CSTA: variants seen among roughly 807,000 people sequenced by gnomAD.
CSTA encodes the protein cystatin-A.
Under a neutral mutation model 9.2 loss-of-function variants are expected in CSTA, and 9 were observed. That is an observed-to-expected ratio of 0.97 (90% CI 0.59 to 1.70). The LOEUF (loss-of-function observed/expected upper bound fraction) is 1.70. CSTA is among the 40% of genes most tolerant of loss of function. The probability of loss-of-function intolerance (pLI) is 0.00; values close to 1 mark genes in which losing one functional copy is unlikely to be tolerated. For missense variants in CSTA, 118 were observed against 113.1 expected (o/e 1.04, Z -0.20); for synonymous variants, 36 against 40.6 (o/e 0.89, Z 0.43).
At position 122,337,585 on chromosome 3, in the gene CSTA, C is replaced by G; in HGVS notation, c.105C>G (p.Tyr35Ter). The change falls in exon 2 of 3, where the codon TAC becomes TAG. Residue 35 changes from tyrosine to a stop codon, truncating the protein, a stop_gained. Coordinates refer to ENST00000264474, the MANE Select transcript of CSTA (RefSeq NM_005213.4). LOFTEE classifies it high-confidence loss of function. ...TTGAAGAAAAAACAAATGAGACTTA[C>G]GGAAAATTGGAAGCTGTGCAGTATA... is the stretch of plus-strand genomic sequence containing the variant. ...PQLEEKTNET[Y>*]GKLEAVQYKT... The G allele has an allele frequency of 6.2e-7, 1 of 1,612,500 alleles. No individual in the cohort carries two copies. The highest frequency in any genetic ancestry group is 8.5e-7 in the Non-Finnish European group (1 of 1,178,802).
At chr3:122,334,965 A>C (rs2075228091) in intron 1 of CSTA, among the ~76,000 whole-genome samples, 1 of 152,224 alleles carries the variant, frequency 6.6e-6, no homozygotes, top group African/African-American at 2.4e-5. Flanking sequence ...TATGAAGGAC[A>C]GTGAGACCTC....
chr3:122,333,708 AAAAGAAAGAAAGAG>A (rs1386855739), intron 1 of CSTA, among the ~76,000 whole-genome samples: 2 of 135,956 alleles, frequency 1.5e-5, no homozygotes, highest in African/African-American at 2.7e-5. Context: ...GAAAGAAAGA[AAAAGAAAGAAAGAG>A]AAAGAAAGAA....
chr3:122,327,346 A>G (rs1251366389), intron 1 of CSTA, among the ~76,000 whole-genome samples: 2 of 151,548 alleles, frequency 1.3e-5, no homozygotes, highest in African/African-American at 2.4e-5. Flanking sequence ...TGGCTAACAC[A>G]GTGAAACCCC....
Position 122,337,924 on chromosome 3 carries a change from T to C in CSTA, c.168+276T>C, listed in dbSNP as rs1449787211. The C allele has an allele frequency of 7.5e-6, 3 of 401,530 alleles. No individual in the cohort carries two copies. The Admixed American group carries it at 1.2e-4, about 16-fold the overall frequency. The allele number at this position is 401,530 out of a possible 1,614,324, so 24.9% of individuals were successfully genotyped here. A position where few individuals can be genotyped will look rare whatever the true frequency, so the allele number is the denominator to read the frequency against. On this transcript the variant is annotated intron_variant, in intron 2 of 2. Transcript: ENST00000264474. ...AACAGTTCAGGGCATGCTGGATTTG[T>C]GGCTGTGCTGCTGCTTAGGTAAGGA...
chr3:122,337,359 A>G (rs980206098), intron 1 of CSTA, among the ~76,000 whole-genome samples, 188 bp from the exon 2 acceptor site: 1 of 152,210 alleles, frequency 6.6e-6, no homozygotes, highest in Non-Finnish European at 1.5e-5. Context: ...TAAAGCAACA[A>G]AATTTGACTT....
In CSTA at chr3:122,327,004, C is replaced by T. The variant is rs1475833422; in HGVS notation, c.66+1646C>T. Among the ~76,000 whole-genome samples, 5 of 152,242 alleles carry T rather than the reference C, an allele frequency of 3.3e-5. No homozygotes were observed. In the East Asian group the frequency reaches 9.7e-4, roughly 29 times the overall value. ...CCTGTAATCCCAGCACTTTGGGAGG[C>T]TGAGGCAGGTGGATCACAAGGTCAG... On this transcript the variant is annotated intron_variant, in intron 1 of 2. Coordinates refer to ENST00000264474, the MANE Select transcript of CSTA (RefSeq NM_005213.4).
chr3:122,330,045 C>G (rs552312237), intron 1 of CSTA, among the ~76,000 whole-genome samples: 1 of 152,252 alleles, frequency 6.6e-6, no homozygotes, highest in East Asian at 1.9e-4. Context: ...CATTTATGCC[C>G]CTACAAACAG....
At chr3:122,325,480 G>A (rs2075165786) in intron 1 of CSTA, 122 bp downstream of exon 1, 1 of 941,710 alleles carries the variant, frequency 1.1e-6, no homozygotes, top group African/African-American at 1.6e-5. Context: ...CTTTGTTCAG[G>A]TTTCTTTACA....
intron 1 of CSTA, among the ~76,000 whole-genome samples, chr3:122,335,932 G>A (rs1164973625): frequency 2.7e-5 from 4 of 149,730 alleles, no homozygotes; most frequent in African/African-American, 4.9e-5. Flanking sequence ...ACACCCGGCC[G>A]TGGTATTTGA....
intron 1 of CSTA, among the ~76,000 whole-genome samples, chr3:122,332,810 C>T (rs1365011318): frequency 2.0e-5 from 3 of 152,102 alleles, no homozygotes; most frequent in Non-Finnish European, 4.4e-5. Flanking sequence ...GAGATGTGTC[C>T]GTTCACCGCC....
At chr3:122,336,149 A>C (rs1032876625) in intron 1 of CSTA, among the ~76,000 whole-genome samples, 2 of 152,202 alleles carry the variant, frequency 1.3e-5, no homozygotes, top group African/African-American at 4.8e-5. Context: ...AGAAGCAATG[A>C]CATTTAGTAA....
In CSTA at chr3:122,341,832, T is replaced by C. The variant is rs1314907247; in HGVS notation, c.*265T>C. Reference sequence around the variant, plus strand: ...CCTAATGCAACTGGCTAAAGGATAGTACCACCCTCACCCCCACCATAGGCA... The same window carrying C: ...CCTAATGCAACTGGCTAAAGGATAGCACCACCCTCACCCCCACCATAGGCA... On this transcript the variant is annotated 3_prime_UTR_variant, in exon 3 of 3. Coordinates refer to ENST00000264474, the MANE Select transcript of CSTA (RefSeq NM_005213.4). 7.1e-6 allele frequency: 3 copies of C among 420,808 alleles called. No individual in the cohort carries two copies. Among genetic ancestry groups the C allele is most frequent in the African/African-American group, 2.0e-5 (1 of 49,318 alleles). The allele number at this position is 420,808 out of a possible 1,614,324, so 26.1% of individuals were successfully genotyped here. A position where few individuals can be genotyped will look rare whatever the true frequency, so the allele number is the denominator to read the frequency against.
intron 1 of CSTA, among the ~76,000 whole-genome samples, chr3:122,333,251 CT>C (rs926875568): frequency 1.3e-5 from 2 of 152,198 alleles, no homozygotes; most frequent in African/African-American, 4.8e-5. Context: ...GGGCTCACCC[CT>C]GTAATCCCAG....
At chr3:122,325,869 T>C (rs1394663439) in intron 1 of CSTA, among the ~76,000 whole-genome samples, 3 of 152,206 alleles carry the variant, frequency 2.0e-5, no homozygotes, top group Admixed American at 6.5e-5. Context: ...TTTTAGTCTT[T>C]TCATAGTTAA....
chr3:122,341,713 T>C lies in CSTA; in HGVS notation c.*146T>C, dbSNP rs774484688. ...TCTCATTTATTGTATTAAGCAGAAA[T>C]TACCTTTTCTTTCTCAAAATCAGTG... is the stretch of plus-strand genomic sequence containing the variant. On this transcript the variant is annotated 3_prime_UTR_variant, in exon 3 of 3. Coordinates refer to ENST00000264474, the MANE Select transcript of CSTA (RefSeq NM_005213.4). 2.0e-6 allele frequency: 2 copies of C among 1,000,550 alleles called. No homozygotes were observed. Among genetic ancestry groups the C allele is most frequent in the Non-Finnish European group, 1.5e-6 (1 of 672,850 alleles). The allele number at this position is 1,000,550 out of a possible 1,614,324, so 62.0% of individuals were successfully genotyped here.
chr3:122,333,673 A>G (rs1197807301), intron 1 of CSTA, among the ~76,000 whole-genome samples: 1 of 146,510 alleles, frequency 6.8e-6, no homozygotes, highest in East Asian at 1.9e-4. Flanking sequence ...AAAAGGAAGA[A>G]AGAAAGAAGA....
intron 2 of CSTA, 125 bp from the exon 3 acceptor site, chr3:122,341,314 T>C: frequency 1.1e-6 from 1 of 937,606 alleles, no homozygotes; most frequent in Non-Finnish European, 1.7e-6. Context: ...GTGGACTAGG[T>C]CTAGCAATGC....
chr3:122,325,773 AT>A lies in CSTA; in HGVS notation c.66+422del, dbSNP rs1253771611. Among the ~76,000 whole-genome samples, 12 of 152,248 alleles carry A rather than the reference AT, an allele frequency of 7.9e-5. No individual in the cohort carries two copies. In the South Asian group the frequency reaches 8.3e-4, roughly 11 times the overall value. Reference sequence around the variant, plus strand: ...AGTCTTGGAATGCACTGCAGGGAAAATTTTTTTAAATAGATTGAATGAAGAA... The same window carrying A: ...AGTCTTGGAATGCACTGCAGGGAAAATTTTTTAAATAGATTGAATGAAGAA... On this transcript the variant is annotated intron_variant, in intron 1 of 2. Coordinates refer to ENST00000264474, the MANE Select transcript of CSTA (RefSeq NM_005213.4).
At chr3:122,339,138 A>G (rs187898815) in intron 2 of CSTA, among the ~76,000 whole-genome samples, 1 of 152,324 alleles carries the variant, frequency 6.6e-6, no homozygotes, top group African/African-American at 2.4e-5. Context: ...AGGTGGTAGA[A>G]TGGAAGGACC....
Sources: gnomAD v4.1 joint callset for allele counts (sites outside exome capture counted in the v4.1 genomes callset) on GRCh38, gnomAD v4.1.1 for gene constraint, MANE v1.5 for transcripts, NCBI Gene and HGNC (gene_info 2026-07-23, HGNC 2026-07-21) for gene names.